Variants in C2CD5 observed in about 807,000 individuals in gnomAD.
C2CD5 encodes the protein C2 domain-containing protein 5.
In C2CD5, 109 loss-of-function variants were observed where a neutral mutation model predicts 130.3. The ratio of observed to expected loss-of-function variants is 0.84; its 90% CI spans 0.72 to 0.98. The LOEUF is 0.98. Among genes scored for constraint, C2CD5 ranks in the 50% least tolerant of loss-of-function variants. The pLI, the probability that C2CD5 is intolerant of heterozygous loss-of-function variation, is 0.00. For missense variants in C2CD5, 996 were observed against 1,261.8 expected (o/e 0.79, Z 3.19); for synonymous variants, 454 against 429.2 (o/e 1.06, Z -0.71).
chr12:22,523,336 C>G (rs1395662913), intron 7 of C2CD5, 90 bp downstream of exon 7: 2 of 965,250 alleles, frequency 2.1e-6, no homozygotes, highest in African/African-American at 1.7e-5. Flanking sequence ...AAATGTTGAA[C>G]AACCCTACTA....
In C2CD5 at chr12:22,474,901, A is replaced by T; in HGVS notation, c.1903-10T>A. 1 of 1,546,572 alleles carries T rather than the reference A, an allele frequency of 6.5e-7. No homozygotes were observed. On this transcript the variant is annotated splice_polypyrimidine_tract_variant and intron_variant, in intron 15 of 26. Coordinates refer to ENST00000446597, the MANE Select transcript of C2CD5 (RefSeq NM_001286176.2). ...TCTCTTCAGATATCTCCTAAAAGAA[A>T]TATAATTGTTTTATATCATATGAGA...
chr12:22,466,509 A>G (rs1160039810), intron 22 of C2CD5, among the ~76,000 whole-genome samples: 1 of 152,140 alleles, frequency 6.6e-6, no homozygotes, highest in African/African-American at 2.4e-5. Context: ...GAATTTTTCC[A>G]GACATTGCCT....
intron 26 of C2CD5, among the ~76,000 whole-genome samples, chr12:22,451,848 CTT>C (rs1436690874): frequency 6.6e-6 from 1 of 152,096 alleles, no homozygotes; most frequent in Admixed American, 6.6e-5. Context: ...AGAAGCATGA[CTT>C]TGTCTTGTAA....
At chr12:22,506,585 C>A (rs1038867565) in intron 10 of C2CD5, 126 bp downstream of exon 10, 1 of 593,018 alleles carries the variant, frequency 1.7e-6, no homozygotes, top group Non-Finnish European at 3.0e-6. Flanking sequence ...ATTAAAGTAA[C>A]GTGCTAGTTT....
Position 22,448,598 on chromosome 12 carries a change from T to C in C2CD5, c.*1162A>G, listed in dbSNP as rs1279854273. 1.3e-5 allele frequency: 2 copies of C among 152,248 alleles called. No individual in the cohort carries two copies. Among genetic ancestry groups the C allele is most frequent in the Non-Finnish European group, 2.9e-5 (2 of 68,038 alleles). 9.4% of individuals were successfully genotyped at this position (152,248 alleles called of 1,614,324 possible). ...AATATTCCAGTTTATTTTTATACAC[T>C]TTTTATTTAAAAAATAAAATTATAA... On this transcript the variant is annotated 3_prime_UTR_variant, in exon 27 of 27. Coordinates refer to ENST00000446597, the MANE Select transcript of C2CD5 (RefSeq NM_001286176.2).
At chr12:22,528,033 A>C (rs760514608) in intron 3 of C2CD5, 141 bp from the exon 4 acceptor site, 146 of 468,678 alleles carry the variant, frequency 3.1e-4, no homozygotes, top group Non-Finnish European at 5.1e-4. Context: ...AAAGAAAAGA[A>C]TTAACACACA....
rs780591101 is a variant in C2CD5, at chr12:22,449,810, G to A, written c.3106C>T (p.Pro1036Ser). ...SDLEVVSSQQ[P>S]TTNCQSSCTE... ...CATGATGACTGGCAGTTGGTAGTAGGTTGCTGAGATGACACCACTTCTAAG... is the reference window on the plus strand; with the variant it reads ...CATGATGACTGGCAGTTGGTAGTAGATTGCTGAGATGACACCACTTCTAAG... The change falls in exon 27 of 27, where the codon CCT becomes TCT. Residue 1036 changes from proline to serine, a missense_variant. Transcript: ENST00000446597. The A allele has an allele frequency of 6.2e-7, 1 of 1,610,414 alleles. No homozygotes were observed. Among genetic ancestry groups the A allele is most frequent in the Non-Finnish European group, 8.5e-7 (1 of 1,177,336 alleles).
At chr12:22,453,870 A>G (rs1939238576) in intron 26 of C2CD5, 26 bp downstream of exon 26, 1 of 1,606,368 alleles carries the variant, frequency 6.2e-7, no homozygotes, top group Non-Finnish European at 8.5e-7. Context: ...GTTCCCGCCA[A>G]TCAGGAATTT....
intron 10 of C2CD5, among the ~76,000 whole-genome samples, chr12:22,504,189 T>C (rs1296123651): frequency 6.6e-6 from 1 of 152,164 alleles, no homozygotes; most frequent in African/African-American, 2.4e-5. Flanking sequence ...TAGTGACATT[T>C]TAAATACAAC....
At chr12:22,476,445 T>C (rs146010631) in intron 15 of C2CD5, among the ~76,000 whole-genome samples, 8 of 152,182 alleles carry the variant, frequency 5.3e-5, no homozygotes, top group African/African-American at 1.9e-4. Flanking sequence ...GTTGTGAAAA[T>C]ACAGTCATCC....
At chr12:22,493,010 C>T (rs190276680) in intron 11 of C2CD5, among the ~76,000 whole-genome samples, 1 of 152,114 alleles carries the variant, frequency 6.6e-6, no homozygotes, top group Admixed American at 6.6e-5. Context: ...TTTTAATGTA[C>T]AAATTGAGGC....
intron 2 of C2CD5, among the ~76,000 whole-genome samples, chr12:22,536,375 A>T (rs1459867464): frequency 6.6e-6 from 1 of 152,214 alleles, no homozygotes; most frequent in Non-Finnish European, 1.5e-5. Flanking sequence ...AAACATCAAA[A>T]ATTAAAATAA....
chr12:22,494,615 G>A (rs1359619334), intron 10 of C2CD5, among the ~76,000 whole-genome samples: 2 of 152,026 alleles, frequency 1.3e-5, no homozygotes, highest in African/African-American at 2.4e-5. Flanking sequence ...TTGAATTAAA[G>A]TTTTGGTTCC....
Position 22,523,757 on chromosome 12 carries a change from A to C in C2CD5, c.602-133T>G, listed in dbSNP as rs1950478696. 9.0e-6 allele frequency: 6 copies of C among 663,946 alleles called. No homozygotes were observed. In the South Asian group the frequency reaches 1.2e-4, roughly 13 times the overall value. The allele number at this position is 663,946 out of a possible 1,614,324, so 41.1% of individuals were successfully genotyped here. ...ATTTTCAGAACTTGAAGGAAACTTA[A>C]AAGATAATCTGGTTTAGCCTCTACA... On this transcript the variant is annotated intron_variant, in intron 6 of 26. Coordinates refer to ENST00000446597, the MANE Select transcript of C2CD5 (RefSeq NM_001286176.2).
intron 5 of C2CD5, among the ~76,000 whole-genome samples, chr12:22,525,126 G>A (rs1950614144): frequency 1.3e-5 from 2 of 152,122 alleles, no homozygotes; most frequent in South Asian, 2.1e-4. Context: ...AGGAGAGAGA[G>A]AACCTGAATA....
At chr12:22,496,356 G>T (rs1470191284) in intron 10 of C2CD5, among the ~76,000 whole-genome samples, 1 of 151,868 alleles carries the variant, frequency 6.6e-6, no homozygotes, top group African/African-American at 2.4e-5. Flanking sequence ...TAATGAATTG[G>T]AATTATTTTA....
At chr12:22,486,168 T>C (rs1250307158) in intron 12 of C2CD5, among the ~76,000 whole-genome samples, 2 of 146,584 alleles carry the variant, frequency 1.4e-5, no homozygotes, top group African/African-American at 5.1e-5. Flanking sequence ...CCTGTCTTTT[T>C]AAAACCAGGC....
At chr12:22,520,833 C>T (rs1277994725) in intron 7 of C2CD5, among the ~76,000 whole-genome samples, 1 of 150,782 alleles carries the variant, frequency 6.6e-6, no homozygotes, top group East Asian at 1.9e-4. Context: ...CACTAAACAT[C>T]AAAAAGAAAA....
At chr12:22,471,603 T>G (rs1943045847) in intron 19 of C2CD5, 115 bp from the exon 20 acceptor site, 1 of 532,124 alleles carries the variant, frequency 1.9e-6, no homozygotes, top group African/African-American at 2.0e-5. Flanking sequence ...AAAACAAAAC[T>G]GGTCCACTTT....
Sources: gnomAD v4.1 joint callset for allele counts (sites outside exome capture counted in the v4.1 genomes callset) on GRCh38, gnomAD v4.1.1 for gene constraint, MANE v1.5 for transcripts, NCBI Gene and HGNC (gene_info 2026-07-23, HGNC 2026-07-21) for gene names.